Variants in SH3BGR observed in about 807,000 individuals in gnomAD.
SH3BGR encodes the protein SH3 domain binding glutamate rich protein.
In SH3BGR, 29 loss-of-function variants were observed where a neutral mutation model predicts 24.5. The ratio of observed to expected loss-of-function variants is 1.18; its 90% confidence interval spans 0.88 to 1.61. The LOEUF is 1.61. Among genes scored for constraint, SH3BGR ranks in the 40% most tolerant of loss-of-function variants. The pLI, the probability that SH3BGR is intolerant of heterozygous loss-of-function variation, is 0.00. For synonymous variants in SH3BGR, 55 were observed against 65.7 expected (o/e 0.84, Z 0.79); for missense variants, 162 against 205.8 (o/e 0.79, Z 1.30).
At position 39,515,072 on chromosome 21, in the gene SH3BGR, T is replaced by G; in HGVS notation, c.*35-16T>G. 1 of 469,306 alleles carries G rather than the reference T, an allele frequency of 2.1e-6. No individual in the cohort carries two copies. The highest frequency in any genetic ancestry group is 4.4e-6 in the Non-Finnish European group (1 of 226,228). The allele number at this position is 469,306 out of a possible 1,614,324, so 29.1% of individuals were successfully genotyped here. ...TTTCTCTACAGTCTTTCCCTAATAT[T>G]TGCCTTTTCTTTTAGAAAATGGAAG... On this transcript the variant is annotated splice_polypyrimidine_tract_variant and intron_variant, in intron 6 of 6. Transcript: ENST00000333634.
intron 3 of SH3BGR, among the ~76,000 whole-genome samples, chr21:39,497,723 TAAAAAATA>T (rs1162234787): frequency 1.6e-4 from 24 of 152,258 alleles, no homozygotes; most frequent in African/African-American, 5.5e-4. Flanking sequence ...TAAAAATTTA[TAAAAAATA>T]TGCCCTTATT....
chr21:39,511,935 C>T lies in SH3BGR; in HGVS notation c.*34+126C>T. 1 of 879,716 alleles carries T rather than the reference C, an allele frequency of 1.1e-6. No individual in the cohort carries two copies. The highest frequency in any genetic ancestry group is 1.6e-6 in the Non-Finnish European group (1 of 609,866). The allele number at this position is 879,716 out of a possible 1,614,324, so 54.5% of individuals were successfully genotyped here. A position where few individuals can be genotyped will look rare whatever the true frequency, so the allele number is the denominator to read the frequency against. On this transcript the variant is annotated intron_variant, in intron 6 of 6. Coordinates refer to ENST00000333634, the MANE Select transcript of SH3BGR (RefSeq NM_007341.3). This position sits in a 1 kb window ranked among gnomAD's most constrained non-coding sequence, Gnocchi z 4.2. Reference sequence around the variant, plus strand: ...AGGGCTGTCTGTCTCCTTCCAAAGCCCTGGTCTGCACACCTTTCTGGCGGG... The same window carrying T: ...AGGGCTGTCTGTCTCCTTCCAAAGCTCTGGTCTGCACACCTTTCTGGCGGG...
At chr21:39,455,033 A>G (rs2077632691) in intron 1 of SH3BGR, among the ~76,000 whole-genome samples, 1 of 152,214 alleles carries the variant, frequency 6.6e-6, no homozygotes, top group South Asian at 2.1e-4. Flanking sequence ...CTAGGATGGA[A>G]ACACAGGTCG....
At chr21:39,469,948 G>T (rs1005664981) in intron 2 of SH3BGR, among the ~76,000 whole-genome samples, 5 of 151,894 alleles carry the variant, frequency 3.3e-5, no homozygotes, top group African/African-American at 1.2e-4. Flanking sequence ...GAGCCGCCAT[G>T]CCCAGCCTGC....
At chr21:39,513,677 T>G (rs932165142) in intron 6 of SH3BGR, among the ~76,000 whole-genome samples, 1 of 151,972 alleles carries the variant, frequency 6.6e-6, no homozygotes, top group East Asian at 1.9e-4. Context: ...AAGGAGTGGG[T>G]TGGGACTCAT....
intron 3 of SH3BGR, among the ~76,000 whole-genome samples, chr21:39,499,118 A>C (rs1442746808): frequency 6.6e-6 from 1 of 152,188 alleles, no homozygotes; most frequent in Non-Finnish European, 1.5e-5. Flanking sequence ...AAACCACCCC[A>C]TGATTCAGTT....
intron 3 of SH3BGR, among the ~76,000 whole-genome samples, chr21:39,492,466 G>GTATATATATA (rs575260270): frequency 7.2e-6 from 1 of 139,786 alleles, no homozygotes; most frequent in African/African-American, 2.9e-5. Flanking sequence ...GTGTGTGTGT[G>GTATATATATA]TATATATATA....
At chr21:39,492,479 T>TAC (rs1555913467) in intron 3 of SH3BGR, among the ~76,000 whole-genome samples, 17 of 67,718 alleles carry the variant, frequency 2.5e-4, no homozygotes, top group South Asian at 6.2e-4. Flanking sequence ...TATATATATA[T>TAC]ATACACACAC....
At chr21:39,479,888 C>G (rs1335238358) in intron 3 of SH3BGR, among the ~76,000 whole-genome samples, 1 of 151,936 alleles carries the variant, frequency 6.6e-6, no homozygotes, top group Non-Finnish European at 1.5e-5. Context: ...TGCAAAAAGA[C>G]TTCTTGTCCA....
rs1420500675 is a variant in SH3BGR at position 39,510,212 on chromosome 21, G to GA, written c.435+1186dup. On this transcript the variant is annotated intron_variant, in intron 5 of 6. Coordinates refer to ENST00000333634, the MANE Select transcript of SH3BGR (RefSeq NM_007341.3). ...CCGCCTCGGCCTCCCAAAGTGCTGG[G>GA]ATTACAGGCGTGAGCCACCGCGCCC... is the stretch of plus-strand genomic sequence containing the variant. Among the ~76,000 whole-genome samples the GA allele has an allele frequency of 9.4e-5, 12 of 127,704 alleles. 1 individual carries two copies. The highest frequency in any genetic ancestry group is 1.2e-4 in the Non-Finnish European group (7 of 60,866). 83.8% of individuals were successfully genotyped at this position (127,704 alleles called of 152,430 possible). A position where few individuals can be genotyped will look rare whatever the true frequency, so the allele number is the denominator to read the frequency against.
chr21:39,488,569 A>G, intron 3 of SH3BGR: 1 of 298,674 alleles, frequency 3.3e-6, no homozygotes, highest in Admixed American at 4.3e-5. Flanking sequence ...AGGAACAAGG[A>G]CTAGGGTGCC....
At position 39,469,630 on chromosome 21, in the gene SH3BGR, CT is replaced by C. The variant is rs199598073; in HGVS notation, c.232-5497del. Among the ~76,000 whole-genome samples the C allele has an allele frequency of 2.8e-4, 31 of 109,714 alleles. No individual in the cohort carries two copies. In the East Asian group the frequency reaches 5.9e-3, roughly 21 times the overall value. The allele number at this position is 109,714 out of a possible 152,430, so 72.0% of individuals were successfully genotyped here. A position where few individuals can be genotyped will look rare whatever the true frequency, so the allele number is the denominator to read the frequency against. On this transcript the variant is annotated intron_variant, in intron 2 of 6. Transcript: ENST00000333634. ...CATATATTTTGATATGCAGTATTTT[CT>C]TTTTTTTAAATTTAATTTTATTTAT...
rs148439747 is a variant in SH3BGR at position 39,497,024 on chromosome 21, T to C, written c.313-2799T>C. Reference sequence around the variant, plus strand: ...GAGGAGCCAAGAAAATTTTGAAAAATACTTTGTGTAACAACTTGACTTTCC... The same window carrying C: ...GAGGAGCCAAGAAAATTTTGAAAAACACTTTGTGTAACAACTTGACTTTCC... On this transcript the variant is annotated intron_variant, in intron 3 of 6. Transcript: ENST00000333634. Among the ~76,000 whole-genome samples, 286 of 152,060 alleles carry C rather than the reference T, an allele frequency of 1.9e-3. 2 individuals are homozygous for C. The highest frequency in any genetic ancestry group is 6.5e-3 in the African/African-American group (272 of 41,530).
chr21:39,471,876 G>A (rs570021547), intron 2 of SH3BGR, among the ~76,000 whole-genome samples: 1 of 152,218 alleles, frequency 6.6e-6, no homozygotes, highest in African/African-American at 2.4e-5. Flanking sequence ...ATTTTCAGGA[G>A]TTCTTTTTGG....
At chr21:39,503,103 T>C in intron 4 of SH3BGR, among the ~76,000 whole-genome samples, 1 of 152,162 alleles carries the variant, frequency 6.6e-6, no homozygotes, top group East Asian at 1.9e-4. Flanking sequence ...ATAGGTCGCC[T>C]GTGGGAAGAG....
chr21:39,494,016 G>T (rs942410643), intron 3 of SH3BGR, among the ~76,000 whole-genome samples: 1 of 152,088 alleles, frequency 6.6e-6, no homozygotes, highest in African/African-American at 2.4e-5. Flanking sequence ...TTTTGGAGGA[G>T]TCTTTGGGGT....
chr21:39,511,538 GT>G lies in SH3BGR; in HGVS notation c.436-141del. ...TGTGGCATGTGTGGTGTGTGTATTT[GT>G]GTGTTGTGTGTGTTTGTTTGTGTGT... On this transcript the variant is annotated intron_variant, in intron 5 of 6. Coordinates refer to ENST00000333634, the MANE Select transcript of SH3BGR (RefSeq NM_007341.3). The surrounding 1 kb of genome is among the most constrained non-coding windows in gnomAD (Gnocchi z 4.2). 3.0e-6 allele frequency: 2 copies of G among 675,240 alleles called. No individual in the cohort carries two copies. The highest frequency in any genetic ancestry group is 5.0e-6 in the Non-Finnish European group (2 of 402,952). The allele number at this position is 675,240 out of a possible 1,614,324, so 41.8% of individuals were successfully genotyped here. A position where few individuals can be genotyped will look rare whatever the true frequency, so the allele number is the denominator to read the frequency against.
intron 1 of SH3BGR, among the ~76,000 whole-genome samples, chr21:39,457,765 C>G (rs908536816): frequency 4.0e-5 from 6 of 151,704 alleles, no homozygotes; most frequent in African/African-American, 1.2e-4. Context: ...AACTCCATCT[C>G]TACCAAAAAT....
chr21:39,505,766 A>C (rs2078571642), intron 4 of SH3BGR, among the ~76,000 whole-genome samples: 1 of 151,376 alleles, frequency 6.6e-6, no homozygotes, highest in Non-Finnish European at 1.5e-5. Context: ...ACTTCGTCTC[A>C]AAAAAAAAGA....
Sources: gnomAD v4.1 joint callset for allele counts (sites outside exome capture counted in the v4.1 genomes callset) on GRCh38, gnomAD v4.1.1 for gene constraint, Gnocchi (gnomAD v3.1) non-coding constraint, MANE v1.5 for transcripts, NCBI Gene and HGNC (gene_info 2026-07-23, HGNC 2026-07-21) for gene names.